The following KIF26B variants were observed in gnomAD, a reference collection of about 807,000 sequenced individuals.
KIF26B encodes kinesin-like protein KIF26B.
KIF26B carries 63 observed loss-of-function variants against 151.2 expected under a neutral mutation model. That is an observed-to-expected ratio of 0.42 (90% CI 0.34 to 0.51). The LOEUF (loss-of-function observed/expected upper bound fraction) is 0.51, where lower values mean the gene tolerates loss of function less well. Ranked by LOEUF, KIF26B falls within the 20% of genes least tolerant of loss-of-function variation. The pLI is 0.07. For synonymous variants in KIF26B, 1,357 were observed against 1,262.1 expected (o/e 1.08, Z -1.59); for missense variants, 2,813 against 2,913.6 (o/e 0.97, Z 0.79).
At chr1:245,204,451 G>A (rs1412711271) in intron 2 of KIF26B, among the ~76,000 whole-genome samples, 2 of 151,318 alleles carry the variant, frequency 1.3e-5, no homozygotes, top group Non-Finnish European at 2.9e-5. Context: ...TCGGCTCACC[G>A]CAACATCCAT....
intron 4 of KIF26B, 102 bp downstream of exon 4, chr1:245,419,847 G>A (rs1014965631): frequency 1.1e-5 from 12 of 1,059,666 alleles, no homozygotes; most frequent in African/African-American, 3.2e-5. Flanking sequence ...GTTTGGGGCC[G>A]TTCTGTGATG....
At chr1:245,256,557 C>T (rs115784194) in intron 2 of KIF26B, among the ~76,000 whole-genome samples, 176 of 152,232 alleles carry the variant, frequency 1.2e-3, no homozygotes, top group African/African-American at 4.0e-3. Flanking sequence ...TTTGTAAGAC[C>T]CAGGTGGGTA....
chr1:245,578,413 G>C (rs1310443338), intron 5 of KIF26B, among the ~76,000 whole-genome samples: 1 of 152,212 alleles, frequency 6.6e-6, no homozygotes, highest in Admixed American at 6.5e-5. Flanking sequence ...TTTTGCTTAA[G>C]CTGTAACAAA....
At chr1:245,265,520 A>C (rs1047589471) in intron 2 of KIF26B, among the ~76,000 whole-genome samples, 2 of 152,170 alleles carry the variant, frequency 1.3e-5, no homozygotes, top group African/African-American at 2.4e-5. Context: ...ATCAATGTGA[A>C]AAGCAAATTC....
intron 6 of KIF26B, among the ~76,000 whole-genome samples, chr1:245,603,709 T>G (rs1402778407): frequency 1.3e-5 from 2 of 152,174 alleles, no homozygotes. Flanking sequence ...CATGCAGGTC[T>G]CTGGAGGCCT....
intron 4 of KIF26B, among the ~76,000 whole-genome samples, chr1:245,451,021 A>G (rs1037274443): frequency 2.0e-5 from 3 of 152,000 alleles, no homozygotes; most frequent in Non-Finnish European, 2.9e-5. Flanking sequence ...TACATTTCCT[A>G]CAACGGAAAC....
rs1237769627 is a variant in KIF26B at position 245,166,134 on chromosome 1, C to CA, written c.465+9452dup. ...TACAGTGGGAGTCATGACAGAGCCC[C>CA]ACCAGGAGGATCGTGAGGATTAGGT... is the stretch of plus-strand genomic sequence containing the variant. On this transcript the variant is annotated intron_variant, in intron 2 of 14. Transcript: ENST00000407071. The surrounding 1 kb of genome is among the most constrained non-coding windows in gnomAD (Gnocchi z 4.5). Among the ~76,000 whole-genome samples, 1 of 152,198 alleles carries CA rather than the reference C, an allele frequency of 6.6e-6. No individual in the cohort carries two copies. The highest frequency in any genetic ancestry group is 1.5e-5 in the Non-Finnish European group (1 of 68,034).
intron 3 of KIF26B, among the ~76,000 whole-genome samples, chr1:245,408,181 T>G (rs1674183094): frequency 6.6e-6 from 1 of 152,150 alleles, no homozygotes; most frequent in South Asian, 2.1e-4. Flanking sequence ...CTGAATTTGC[T>G]GAGTTGCAAA....
At chr1:245,699,315 G>A (rs770505156) in intron 14 of KIF26B, among the ~76,000 whole-genome samples, 2 of 152,072 alleles carry the variant, frequency 1.3e-5, no homozygotes, top group Admixed American at 1.3e-4. Flanking sequence ...TTCCCCCTGC[G>A]TGTGGCAGAA....
intron 2 of KIF26B, 31 bp downstream of exon 2, chr1:245,156,714 C>T (rs1307365040): frequency 3.7e-6 from 5 of 1,369,758 alleles, no homozygotes; most frequent in Non-Finnish European, 4.7e-6. Flanking sequence ...GCTGGGGAGG[C>T]GCCGGGAGGG....
chr1:245,490,306 A>ATTTTTTTTTTTTTTTTTT, intron 4 of KIF26B, among the ~76,000 whole-genome samples: 1 of 83,846 alleles, frequency 1.2e-5, no homozygotes, highest in Non-Finnish European at 2.3e-5. Flanking sequence ...TCTGTAGAAC[A>ATTTTTTTTTTTTTTTTTT]TTTTTTTTTT....
rs141361538 is a variant in KIF26B, at chr1:245,601,879, G to GT, written c.1351-697dup. Among the ~76,000 whole-genome samples, 993 of 152,302 alleles carry GT rather than the reference G, an allele frequency of 6.5e-3. 6 individuals carry two copies. Among genetic ancestry groups the GT allele is most frequent in the African/African-American group, 0.022 (933 of 41,536 alleles). ...CAGGACGGGGCTGGGTTGGTGGTGG[G>GT]TACCAGAGGTGCTCAGTGTTCAATC... On this transcript the variant is annotated intron_variant, in intron 5 of 14. Coordinates refer to ENST00000407071, the MANE Select transcript of KIF26B (RefSeq NM_018012.4). The surrounding 1 kb of genome is among the most constrained non-coding windows in gnomAD (Gnocchi z 4.4).
chr1:245,474,790 C>T (rs1369157249), intron 4 of KIF26B, among the ~76,000 whole-genome samples: 3 of 151,906 alleles, frequency 2.0e-5, no homozygotes, highest in Non-Finnish European at 3.0e-5. Context: ...CTCCCATCCC[C>T]GCTGCCCATC....
chr1:245,684,004 C>T (rs1201358314), intron 10 of KIF26B, among the ~76,000 whole-genome samples: 1 of 152,230 alleles, frequency 6.6e-6, no homozygotes, highest in Non-Finnish European at 1.5e-5. Flanking sequence ...ACAGAAGCGC[C>T]AAGGGAGGTG....
intron 5 of KIF26B, among the ~76,000 whole-genome samples, chr1:245,541,363 C>T (rs939713311): frequency 1.3e-5 from 2 of 152,184 alleles, no homozygotes; most frequent in Non-Finnish European, 2.9e-5. Flanking sequence ...TCAGAGAAAT[C>T]CTGACTTCTG....
intron 10 of KIF26B, among the ~76,000 whole-genome samples, chr1:245,655,174 ACT>A (rs940674405): frequency 6.6e-6 from 1 of 152,140 alleles, no homozygotes; most frequent in African/African-American, 2.4e-5. Context: ...AACCTCACAC[ACT>A]CAGACGCTCT....
intron 2 of KIF26B, among the ~76,000 whole-genome samples, chr1:245,202,232 G>A (rs764973706): frequency 7.9e-5 from 12 of 151,806 alleles, no homozygotes; most frequent in Middle Eastern, 3.4e-3. Context: ...CTCTCGCAAC[G>A]TTACTCACTG....
At chr1:245,428,989 T>C (rs1687100) in intron 4 of KIF26B, among the ~76,000 whole-genome samples, 30,875 of 81,764 alleles carry the variant, frequency 0.38, 3,435 homozygotes, top group African/African-American at 0.39. Context: ...GGGGCGGGGG[T>C]GGGGGGCAGT....
At chr1:245,654,358 C>T (rs147998688) in intron 10 of KIF26B, among the ~76,000 whole-genome samples, 231 of 152,124 alleles carry the variant, frequency 1.5e-3, no homozygotes, top group South Asian at 6.7e-3. Context: ...TAACAAGCAA[C>T]GAGACGCTCC....
Sources: gnomAD v4.1 joint callset for allele counts (sites outside exome capture counted in the v4.1 genomes callset) on GRCh38, gnomAD v4.1.1 for gene constraint, Gnocchi (gnomAD v3.1) non-coding constraint, MANE v1.5 for transcripts, NCBI Gene and HGNC (gene_info 2026-07-23, HGNC 2026-07-21) for gene names.